UGT1A8: variants seen among roughly 807,000 people sequenced by gnomAD.
UGT1A8 encodes the protein UDP-glucuronosyltransferase 1A8.
A neutral mutation model predicts 45.3 loss-of-function variants in UGT1A8; 39 were observed. The observed-to-expected ratio is 0.86, with a 90% CI of 0.67 to 1.12. UGT1A8 has a LOEUF of 1.12. Ranked by LOEUF, UGT1A8 falls within the 50% of genes most tolerant of loss-of-function variation. The pLI is 0.00. For missense variants in UGT1A8, 719 were observed against 664.9 expected, an observed-to-expected ratio of 1.08 and a Z score of -0.90; for synonymous variants, 275 against 249.2, an observed-to-expected ratio of 1.10 and a Z score of -0.97.
intron 1 of UGT1A8, among the ~76,000 whole-genome samples, chr2:233,746,975 C>G (rs1401004389): frequency 6.6e-6 from 1 of 151,722 alleles, no homozygotes; most frequent in Non-Finnish European, 1.5e-5. Context: ...TTCCCCAGAG[C>G]GAGCGCAGGG....
At chr2:233,727,674 T>G (rs183043459) in intron 1 of UGT1A8, among the ~76,000 whole-genome samples, 1 of 152,276 alleles carries the variant, frequency 6.6e-6, no homozygotes, top group East Asian at 1.9e-4. Context: ...CCTTACAAAT[T>G]CCCAGGAATC....
At chr2:233,654,994 C>T (rs2073824772) in intron 1 of UGT1A8, among the ~76,000 whole-genome samples, 1 of 152,026 alleles carries the variant, frequency 6.6e-6, no homozygotes, top group South Asian at 2.1e-4. Flanking sequence ...GAGTCTGAGG[C>T]AGAAGAATCA....
intron 1 of UGT1A8, chr2:233,743,944 C>A: frequency 7.4e-7 from 1 of 1,351,520 alleles, no homozygotes; most frequent in Non-Finnish European, 9.9e-7. Context: ...GCCCACCAGG[C>A]ACTGGCACAG....
intron 1 of UGT1A8, among the ~76,000 whole-genome samples, chr2:233,626,093 G>A (rs972104435): frequency 1.3e-5 from 2 of 151,958 alleles, no homozygotes; most frequent in Non-Finnish European, 2.9e-5. Context: ...AGGCAGGAGA[G>A]GCAGGTGCAC....
rs191462205 is a variant in UGT1A8 at position 233,630,999 on chromosome 2, C to T, written c.855+12437C>T. On this transcript the variant is annotated intron_variant, in intron 1 of 4. Transcript: ENST00000373450. ...TTCCCTCCCCTAGGCCCTCACCCCCCGACAGGCCCTGGTGTGTGATGTTCC... is the reference window on the plus strand; with the variant it reads ...TTCCCTCCCCTAGGCCCTCACCCCCTGACAGGCCCTGGTGTGTGATGTTCC... 1.8e-4 allele frequency among the ~76,000 whole-genome samples: 28 copies of T among 152,144 alleles called. No homozygotes were observed. The South Asian group carries it at 2.7e-3, about 15-fold the overall frequency.
At chr2:233,691,202 G>C in intron 1 of UGT1A8, 1 of 985,608 alleles carries the variant, frequency 1.0e-6, no homozygotes, top group Non-Finnish European at 1.2e-6. Context: ...CCTGAGCTCT[G>C]TTCCCTTTGC....
chr2:233,729,869 T>C (rs1226699407), intron 1 of UGT1A8: 4 of 1,613,726 alleles, frequency 2.5e-6, no homozygotes, highest in East Asian at 4.5e-5. Context: ...GTGGTGGATA[T>C]TCTCAGTCAT....
intron 1 of UGT1A8, among the ~76,000 whole-genome samples, chr2:233,717,415 G>T (rs565971108): frequency 6.6e-6 from 1 of 152,182 alleles, no homozygotes; most frequent in Admixed American, 6.5e-5. Flanking sequence ...TGCCTCCCTT[G>T]AGCTGGGTGT....
At position 233,679,006 on chromosome 2, in the gene UGT1A8, C is replaced by A. The variant is rs184095276; in HGVS notation, c.855+60444C>A. On this transcript the variant is annotated intron_variant, in intron 1 of 4. Coordinates refer to ENST00000373450, the MANE Select transcript of UGT1A8 (RefSeq NM_019076.5). ...GCTCTTTCTATAATAACAGTGGCAT[C>A]TTCAGTGGTGTAATCCTTCTGGACT... 2.6e-5 allele frequency among the ~76,000 whole-genome samples: 4 copies of A among 152,324 alleles called. No homozygotes were observed. In the East Asian group the frequency reaches 7.7e-4, roughly 29 times the overall value.
chr2:233,699,808 C>A (rs2075525104), intron 1 of UGT1A8, among the ~76,000 whole-genome samples: 1 of 152,210 alleles, frequency 6.6e-6, no homozygotes, highest in Admixed American at 6.5e-5. Flanking sequence ...CTGGAGTCAT[C>A]TAAATAGTAG....
At chr2:233,740,906 T>C (rs1395590000) in intron 1 of UGT1A8, 5 of 141,866 alleles carry the variant, frequency 3.5e-5, no homozygotes, top group East Asian at 3.9e-4. Flanking sequence ...TAGGTCAACA[T>C]TGTTCCCATC....
chr2:233,683,679 TA>T (rs2074646334), intron 1 of UGT1A8, among the ~76,000 whole-genome samples: 1 of 152,196 alleles, frequency 6.6e-6, no homozygotes, highest in African/African-American at 2.4e-5. Flanking sequence ...TATTAACCTT[TA>T]TTCCTCTGCA....
chr2:233,703,764 G>T (rs1013118641), intron 1 of UGT1A8, among the ~76,000 whole-genome samples: 4 of 152,032 alleles, frequency 2.6e-5, no homozygotes, highest in Admixed American at 6.6e-5. Context: ...ATCTTCTGCA[G>T]ACAAGATATT....
chr2:233,662,471 T>C (rs28969998), intron 1 of UGT1A8, among the ~76,000 whole-genome samples: 1 of 152,194 alleles, frequency 6.6e-6, no homozygotes, highest in Non-Finnish European at 1.5e-5. Context: ...ATAAATGAAA[T>C]TAACTTTTAC....
chr2:233,701,378 C>G (rs1424397664), intron 1 of UGT1A8, among the ~76,000 whole-genome samples: 1 of 152,076 alleles, frequency 6.6e-6, no homozygotes, highest in African/African-American at 2.4e-5. Context: ...GACTTAGACT[C>G]CCACACAATA....
chr2:233,726,305 A>G (rs1451221769), intron 1 of UGT1A8, among the ~76,000 whole-genome samples: 1 of 152,118 alleles, frequency 6.6e-6, no homozygotes, highest in African/African-American at 2.4e-5. Flanking sequence ...AGGTGGGAGG[A>G]TCATTGAGCT....
At chr2:233,631,675 T>C (rs535513186) in intron 1 of UGT1A8, among the ~76,000 whole-genome samples, 1 of 152,294 alleles carries the variant, frequency 6.6e-6, no homozygotes, top group East Asian at 1.9e-4. Flanking sequence ...GACCGCTTTT[T>C]GATGGGGTTT....
intron 2 of UGT1A8, 64 bp downstream of exon 2, chr2:233,767,229 A>T (rs1699343711): frequency 6.2e-7 from 1 of 1,610,454 alleles, no homozygotes; most frequent in South Asian, 1.1e-5. Context: ...CCAGACTTCC[A>T]GCTTCCAGAT....
At position 233,714,001 on chromosome 2, in the gene UGT1A8, G is replaced by A. The variant is rs1295021780; in HGVS notation, c.856-53033G>A. 4.5e-6 allele frequency: 7 copies of A among 1,551,344 alleles called. No homozygotes were observed. The African/African-American group carries it at 5.5e-5, about 12-fold the overall frequency. On this transcript the variant is annotated intron_variant, in intron 1 of 4. Coordinates refer to ENST00000373450, the MANE Select transcript of UGT1A8 (RefSeq NM_019076.5). ...TCATTGTTGTAATAGTCTTCAGTGA[G>A]ATAAACTTTTAAAGGGTCAATGGTA...
Sources: allele counts gnomAD v4.1 joint callset (sites outside exome capture counted in the v4.1 genomes callset), GRCh38; gene constraint gnomAD v4.1.1; transcripts MANE v1.5; gene names NCBI Gene and HGNC (gene_info 2026-07-23, HGNC 2026-07-21).